The following ZNF326 variants were observed in gnomAD, a reference collection of about 807,000 sequenced individuals.
ZNF326 encodes zinc finger protein 326.
In ZNF326, 30 loss-of-function variants were observed where a neutral mutation model predicts 63.1. That is an observed-to-expected ratio of 0.48 (90% CI 0.36 to 0.64). The LOEUF is 0.64. Among genes scored for constraint, ZNF326 ranks in the 30% least tolerant of loss-of-function variants. ZNF326 has a pLI of 0.00. For missense variants in ZNF326, 609 were observed against 720.3 expected (o/e 0.85, Z 1.77); for synonymous variants, 194 against 228.2 (o/e 0.85, Z 1.35).
chr1:90,000,735 G>C (rs1475161365), intron 2 of ZNF326, among the ~76,000 whole-genome samples: 1 of 152,110 alleles, frequency 6.6e-6, no homozygotes, highest in African/African-American at 2.4e-5. Flanking sequence ...ATTTTTTGCT[G>C]AGCAATCTTA....
chr1:90,020,493 A>G (rs1317407924), intron 9 of ZNF326, among the ~76,000 whole-genome samples: 1 of 152,010 alleles, frequency 6.6e-6, no homozygotes, highest in East Asian at 1.9e-4. Flanking sequence ...CAAAATCAAT[A>G]TTTGTTTTCC....
chr1:90,017,523 A>G, intron 8 of ZNF326, 59 bp downstream of exon 8: 1 of 1,428,882 alleles, frequency 7.0e-7, no homozygotes, highest in Non-Finnish European at 9.4e-7. Flanking sequence ...TTATGATTTC[A>G]TTTTTCACTC....
At position 90,004,994 on chromosome 1, in the gene ZNF326, C is replaced by G. The variant is rs746514090; in HGVS notation, c.62-9C>G. On this transcript the variant is annotated splice_polypyrimidine_tract_variant and intron_variant, in intron 2 of 11. Transcript: ENST00000340281. ...TTTTACTGACAATTTCTTATTGACTCTCTTTTAGGAATGGATCGTGATTAT... is the reference window on the plus strand; with the variant it reads ...TTTTACTGACAATTTCTTATTGACTGTCTTTTAGGAATGGATCGTGATTAT... The G allele has an allele frequency of 1.2e-6, 2 of 1,613,232 alleles. No individual in the cohort carries two copies. The highest frequency in any genetic ancestry group is 2.2e-5 in the East Asian group (1 of 44,842).
In ZNF326 at chr1:90,035,348, C is replaced by G. The variant is rs1650439378; in HGVS notation, c.*7647C>G. 1 of 152,128 alleles carries G rather than the reference C, an allele frequency of 6.6e-6. No individual in the cohort carries two copies. The highest frequency in any genetic ancestry group is 1.5e-5 in the Non-Finnish European group (1 of 68,004). The allele number at this position is 152,128 out of a possible 1,614,324, so 9.4% of individuals were successfully genotyped here. ...TTGTTTAATAGTTCACCATGAAAAT[C>G]TGTACTATATAGAAAATCTGTATAT... On this transcript the variant is annotated 3_prime_UTR_variant, in exon 12 of 12. Coordinates refer to ENST00000340281, the MANE Select transcript of ZNF326 (RefSeq NM_182976.4).
At chr1:90,015,409 G>A (rs919595887) in intron 7 of ZNF326, among the ~76,000 whole-genome samples, 1 of 152,202 alleles carries the variant, frequency 6.6e-6, no homozygotes. Context: ...ACCAAGCATG[G>A]TAGCTCATGC....
Position 90,021,355 on chromosome 1 carries a change from G to A in ZNF326, c.1305+433G>A, listed in dbSNP as rs561822673. Among the ~76,000 whole-genome samples the A allele has an allele frequency of 5.9e-5, 9 of 152,104 alleles. No individual in the cohort carries two copies. The South Asian group carries it at 1.0e-3, about 18-fold the overall frequency. ...GTACAAAACAGTTTTGTGAGAGAGT[G>A]TGTGTGTGTTGTGTGTGTCTGTGTT... On this transcript the variant is annotated intron_variant, in intron 10 of 11. Coordinates refer to ENST00000340281, the MANE Select transcript of ZNF326 (RefSeq NM_182976.4).
intron 2 of ZNF326, among the ~76,000 whole-genome samples, chr1:90,003,642 AT>A (rs1379047895): frequency 7.9e-5 from 12 of 152,246 alleles, no homozygotes; most frequent in Non-Finnish European, 1.5e-4. Context: ...ACTTTAAAAG[AT>A]TAGAAAGTTT....
At position 90,032,929 on chromosome 1, in the gene ZNF326, G is replaced by A. The variant is rs1650335880; in HGVS notation, c.*5228G>A. ...CCTAGGTATATTGTGATTACCACAA[G>A]GAGCTTTATTCCTCATACTTAGAAA... is the stretch of plus-strand genomic sequence containing the variant. On this transcript the variant is annotated 3_prime_UTR_variant, in exon 12 of 12. Transcript: ENST00000340281. 1 of 152,214 alleles carries A rather than the reference G, an allele frequency of 6.6e-6. No individual in the cohort carries two copies. Among genetic ancestry groups the A allele is most frequent in the South Asian group, 2.1e-4 (1 of 4,828 alleles). 9.4% of individuals were successfully genotyped at this position (152,214 alleles called of 1,614,324 possible). A position where few individuals can be genotyped will look rare whatever the true frequency, so the allele number is the denominator to read the frequency against.
chr1:90,017,092 C>T (rs1319802846), intron 7 of ZNF326, among the ~76,000 whole-genome samples: 8 of 152,146 alleles, frequency 5.3e-5, no homozygotes, highest in African/African-American at 1.9e-4. Flanking sequence ...TTTTCCTACC[C>T]GGAAGCTCCA....
chr1:89,995,392 C>A, intron 1 of ZNF326, 119 bp downstream of exon 1: 1 of 1,310,056 alleles, frequency 7.6e-7, no homozygotes, highest in Non-Finnish European at 1.0e-6. Flanking sequence ...CCGGAGGCCG[C>A]CCGCCCGCCC....
intron 6 of ZNF326, among the ~76,000 whole-genome samples, chr1:90,011,353 C>T (rs1649222354): frequency 6.6e-6 from 1 of 152,016 alleles, no homozygotes; most frequent in African/African-American, 2.4e-5. Context: ...GAAAGGAACC[C>T]TATTCTGTCA....
chr1:90,020,709 A>T, intron 9 of ZNF326, 83 bp from the exon 10 acceptor site: 1 of 1,368,164 alleles, frequency 7.3e-7, no homozygotes, highest in South Asian at 1.4e-5. Flanking sequence ...GGTATAAATA[A>T]TCATGGAAAT....
At chr1:89,998,216 G>T (rs995703786) in intron 2 of ZNF326, 62 bp downstream of exon 2, 5 of 1,526,062 alleles carry the variant, frequency 3.3e-6, no homozygotes, top group African/African-American at 1.4e-5. Context: ...AATGTAAAAG[G>T]CCAGTTCTAC....
At chr1:90,002,936 A>T (rs1484071510) in intron 2 of ZNF326, among the ~76,000 whole-genome samples, 3 of 152,162 alleles carry the variant, frequency 2.0e-5, no homozygotes, top group Non-Finnish European at 4.4e-5. Flanking sequence ...TTATGGCACA[A>T]TATTTAAAAA....
Position 89,995,735 on chromosome 1 carries a change from G to GTT in ZNF326, c.16+463_16+464dup, listed in dbSNP as rs1278835888. 2.6e-5 allele frequency among the ~76,000 whole-genome samples: 4 copies of GTT among 152,256 alleles called. No homozygotes were observed. The East Asian group carries it at 7.7e-4, about 29-fold the overall frequency. ...TGCCAGATAGAATTTTCAGAGGCTT[G>GTT]TTCACAGTGATGTTTCTGTTTGTCC... On this transcript the variant is annotated intron_variant, in intron 1 of 11. Coordinates refer to ENST00000340281, the MANE Select transcript of ZNF326 (RefSeq NM_182976.4).
chr1:90,007,828 A>G lies in ZNF326; in HGVS notation c.615+78A>G, dbSNP rs1649058841. The G allele has an allele frequency of 2.3e-6, 3 of 1,314,392 alleles. No homozygotes were observed. The highest frequency in any genetic ancestry group is 2.5e-5 in the East Asian group (1 of 39,514). The allele number at this position is 1,314,392 out of a possible 1,614,324, so 81.4% of individuals were successfully genotyped here. A position where few individuals can be genotyped will look rare whatever the true frequency, so the allele number is the denominator to read the frequency against. On this transcript the variant is annotated intron_variant, in intron 5 of 11. Transcript: ENST00000340281. This position sits in a 1 kb window ranked among gnomAD's most constrained non-coding sequence, Gnocchi z 4.9. ...CCTTTCAAGACCATCGTTTTCAACT[A>G]GAATAAACACTGTTCATCCCGGTGT...
At chr1:90,005,713 C>A in intron 4 of ZNF326, 1 of 984,870 alleles carries the variant, frequency 1.0e-6, no homozygotes, top group Non-Finnish European at 1.2e-6. Flanking sequence ...AAGAAACATT[C>A]AGGACATATT....
chr1:89,997,798 G>A (rs1648467281), intron 1 of ZNF326, among the ~76,000 whole-genome samples: 1 of 152,126 alleles, frequency 6.6e-6, no homozygotes, highest in South Asian at 2.1e-4. Flanking sequence ...TAATCTATCT[G>A]CCTTTGTGTT....
chr1:90,030,122 G>A lies in ZNF326; in HGVS notation c.*2421G>A, dbSNP rs1334990440. 3 of 152,046 alleles carry A rather than the reference G, an allele frequency of 2.0e-5. No individual in the cohort carries two copies. The highest frequency in any genetic ancestry group is 2.1e-4 in the South Asian group (1 of 4,818). 9.4% of individuals were successfully genotyped at this position (152,046 alleles called of 1,614,324 possible). ...GCCTAGGGACTATCCTGTATTATTC[G>A]CTTTTTATCACTTTCTACCTACAGT... On this transcript the variant is annotated 3_prime_UTR_variant, in exon 12 of 12. Coordinates refer to ENST00000340281, the MANE Select transcript of ZNF326 (RefSeq NM_182976.4).
Sources: gnomAD v4.1 joint callset for allele counts (sites outside exome capture counted in the v4.1 genomes callset) on GRCh38, gnomAD v4.1.1 for gene constraint, Gnocchi (gnomAD v3.1) non-coding constraint, MANE v1.5 for transcripts, NCBI Gene and HGNC (gene_info 2026-07-23, HGNC 2026-07-21) for gene names.